The following CHD6 variants were observed in gnomAD, a reference collection of about 807,000 sequenced individuals.
The protein encoded by CHD6 is ATP-dependent chromatin remodeler CHD6.
In CHD6, 50 loss-of-function variants were observed where a neutral mutation model predicts 276.9. The observed-to-expected ratio is 0.18, with a 90% CI of 0.14 to 0.23. The LOEUF (loss-of-function observed/expected upper bound fraction) is 0.23, where lower values mean the gene tolerates loss of function less well. Among genes scored for constraint, CHD6 ranks in the 10% least tolerant of loss-of-function variants. The probability of loss-of-function intolerance (pLI) is 1.00; values close to 1 mark genes in which losing one functional copy is unlikely to be tolerated. For synonymous variants in CHD6, 1,173 were observed against 1,229.3 expected (o/e 0.95, Z 0.96); for missense variants, 2,564 against 3,365.8 (o/e 0.76, Z 5.89).
At chr20:41,481,715 G>T (rs1214831097) in intron 16 of CHD6, among the ~76,000 whole-genome samples, 1 of 151,874 alleles carries the variant, frequency 6.6e-6, no homozygotes, top group Non-Finnish European at 1.5e-5. Flanking sequence ...AAAACGTTAA[G>T]TACTTTAAAG....
intron 1 of CHD6, chr20:41,564,099 T>G: frequency 1.3e-6 from 1 of 778,814 alleles, no homozygotes; most frequent in East Asian, 2.4e-5. Context: ...GGTCTCAGTT[T>G]CTTCATTTAC....
intron 17 of CHD6, among the ~76,000 whole-genome samples, chr20:41,471,198 C>A (rs561184634): frequency 6.6e-6 from 1 of 152,200 alleles, no homozygotes; most frequent in Admixed American, 6.5e-5. Flanking sequence ...TACTTACAAA[C>A]GGGTGTGATT....
intron 5 of CHD6, among the ~76,000 whole-genome samples, chr20:41,507,044 G>A (rs1229323102): frequency 6.6e-6 from 1 of 152,176 alleles, no homozygotes; most frequent in Non-Finnish European, 1.5e-5. Flanking sequence ...TTTCATGACT[G>A]CTGACTACTT....
chr20:41,427,687 T>A (rs762089385), intron 27 of CHD6, among the ~76,000 whole-genome samples: 6 of 152,222 alleles, frequency 3.9e-5, no homozygotes, highest in Non-Finnish European at 7.3e-5. Flanking sequence ...CTAACCTCCT[T>A]TGCCTGGGCC....
rs370604161 is a variant in CHD6, at chr20:41,421,716, T to C, written c.4919A>G (p.Tyr1640Cys). ...CCLYQTNSKL[Y>C]ESLTYSQMSR... Reference sequence around the variant, plus strand: ...CATTTGAGAATATGTAAGAGATTCATATAACTTGGAGTTGGTCTGGTAAAG... The same window carrying C: ...CATTTGAGAATATGTAAGAGATTCACATAACTTGGAGTTGGTCTGGTAAAG... Residue 1640 changes from tyrosine to cysteine, a missense_variant, in exon 31 of 37, where the codon TAT becomes TGT. By Grantham distance (194) the Tyr-to-Cys change is radical (BLOSUM62 -2). Transcript: ENST00000373233. 2.0e-5 allele frequency: 32 copies of C among 1,614,066 alleles called. No individual in the cohort carries two copies. Among genetic ancestry groups the C allele is most frequent in the African/African-American group, 4.0e-5 (3 of 74,932 alleles).
chr20:41,582,251 C>T (rs937629131), intron 1 of CHD6, among the ~76,000 whole-genome samples: 1 of 152,044 alleles, frequency 6.6e-6, no homozygotes, highest in African/African-American at 2.4e-5. Flanking sequence ...AATCTGCTAA[C>T]AAATGTCATT....
intron 1 of CHD6, among the ~76,000 whole-genome samples, chr20:41,581,702 C>T (rs978673705): frequency 2.0e-5 from 3 of 151,920 alleles, no homozygotes; most frequent in Admixed American, 2.0e-4. Context: ...ACCATTATCA[C>T]CACTTGAAGT....
chr20:41,556,097 C>T (rs1158042470), intron 1 of CHD6, among the ~76,000 whole-genome samples: 2 of 152,084 alleles, frequency 1.3e-5, no homozygotes, highest in Non-Finnish European at 2.9e-5. Flanking sequence ...CAAAAAAATA[C>T]GAAAACCAGT....
rs547869583 is a variant in CHD6 at position 41,465,930 on chromosome 20, C to T, written c.2664+7392G>A. ...TTAAAAACAAAGTTTGTAGGCCGGG[C>T]GTGGTGGGTCACGACTGTAATCCCA... On this transcript the variant is annotated intron_variant, in intron 17 of 36. Transcript: ENST00000373233. Among the ~76,000 whole-genome samples, 24 of 152,248 alleles carry T rather than the reference C, an allele frequency of 1.6e-4. No homozygotes were observed. In the South Asian group the frequency reaches 2.7e-3, roughly 17 times the overall value.
chr20:41,573,863 A>C (rs907894994), intron 1 of CHD6, among the ~76,000 whole-genome samples: 1 of 152,178 alleles, frequency 6.6e-6, no homozygotes, highest in Non-Finnish European at 1.5e-5. Flanking sequence ...ACCATAAGGC[A>C]GCTCTAGAGA....
At chr20:41,530,740 A>T (rs1409223450) in intron 3 of CHD6, among the ~76,000 whole-genome samples, 1 of 152,236 alleles carries the variant, frequency 6.6e-6, no homozygotes, top group East Asian at 1.9e-4. Flanking sequence ...GAATTCTATT[A>T]TGTTACAGAT....
rs2145352124 is a variant in CHD6 at position 41,405,013 on chromosome 20, A to T, written c.7728T>A (p.His2576Gln). ...EKTAEDKPSS[H>Q]DVKTDTLAED... ...CAGCTAAAGTGTCTGTTTTCACATC[A>T]TGGCTACTCGGCTTGTCTTCCGCAG... is the stretch of plus-strand genomic sequence containing the variant. Residue 2576 changes from histidine to glutamine, a missense_variant, in exon 37 of 37, where the codon CAT becomes CAA. By Grantham distance (24) the His-to-Gln change is conservative. Transcript: ENST00000373233. The T allele has an allele frequency of 6.2e-7, 1 of 1,614,246 alleles. No individual in the cohort carries two copies. The highest frequency in any genetic ancestry group is 1.7e-4 in the Middle Eastern group (1 of 6,060).
intron 31 of CHD6, among the ~76,000 whole-genome samples, chr20:41,419,936 T>A (rs974526071): frequency 6.6e-6 from 1 of 152,224 alleles, no homozygotes; most frequent in Non-Finnish European, 1.5e-5. Flanking sequence ...CCCTATAGGA[T>A]CAGATCTATT....
chr20:41,458,936 C>T (rs2048459983), intron 17 of CHD6, among the ~76,000 whole-genome samples: 1 of 152,150 alleles, frequency 6.6e-6, no homozygotes, highest in Non-Finnish European at 1.5e-5. Flanking sequence ...GTGGCCCTTG[C>T]TCCTCTGTGA....
In CHD6 at chr20:41,533,419, T is replaced by C. The variant is rs781172942; in HGVS notation, c.185A>G (p.Tyr62Cys). Residue 62 changes from tyrosine (Y) to cysteine (C), a missense_variant, in exon 3 of 37, where the codon TAT becomes TGT. Around this residue, in one of 7 missense-constraint regions of CHD6, gnomAD observed 286 missense variants for 297.8 expected, o/e 0.96. Coordinates refer to ENST00000373233, the MANE Select transcript of CHD6 (RefSeq NM_032221.5). ...ASHCLPQKDLYTAEEEAATLF... is the reference protein window; with the variant it reads ...ASHCLPQKDLCTAEEEAATLF... ...GGTAGCAGCTTCCTCTTCAGCAGTA[T>C]ACAGGTCCTTCTGAGGCAGACAGTG... 1.9e-5 allele frequency: 31 copies of C among 1,614,078 alleles called. No homozygotes were observed. Among genetic ancestry groups the C allele is most frequent in the Non-Finnish European group, 2.5e-5 (29 of 1,180,040 alleles).
At chr20:41,537,886 CACAT>C (rs1165610153) in intron 2 of CHD6, among the ~76,000 whole-genome samples, 3 of 152,102 alleles carry the variant, frequency 2.0e-5, no homozygotes, top group Non-Finnish European at 4.4e-5. Flanking sequence ...CACACACACA[CACAT>C]ATACACAGAA....
intron 1 of CHD6, among the ~76,000 whole-genome samples, chr20:41,599,297 C>A (rs2045749992): frequency 6.6e-6 from 1 of 152,136 alleles, no homozygotes. Context: ...CCTAACAACA[C>A]AGCCCCCGAT....
intron 1 of CHD6, among the ~76,000 whole-genome samples, chr20:41,596,422 G>C (rs2045718090): frequency 6.6e-6 from 1 of 152,124 alleles, no homozygotes; most frequent in African/African-American, 2.4e-5. Context: ...CACTTGGGCT[G>C]AGTTAATGTC....
chr20:41,481,486 A>G (rs1009308749), intron 16 of CHD6, among the ~76,000 whole-genome samples: 2 of 152,122 alleles, frequency 1.3e-5, no homozygotes, highest in African/African-American at 2.4e-5. Context: ...ATTAGTAATC[A>G]CAATTACAAA....
Sources: gnomAD v4.1 joint callset for allele counts (sites outside exome capture counted in the v4.1 genomes callset) on GRCh38, gnomAD v4.1.1 for gene constraint, gnomAD v4.1.1 regional missense constraint, MANE v1.5 for transcripts, NCBI Gene and HGNC (gene_info 2026-07-23, HGNC 2026-07-21) for gene names.